Variants in THSD4 observed in about 807,000 individuals in gnomAD.
The protein encoded by THSD4 is thrombospondin type 1 domain containing 4, also known as thrombospondin type-1 domain-containing protein 4.
Under a neutral mutation model 119.0 loss-of-function variants are expected in THSD4, and 69 were observed. The observed-to-expected ratio is 0.58, with a 90% confidence interval of 0.48 to 0.71. THSD4 has a LOEUF of 0.71. Among genes scored for constraint, THSD4 ranks in the 30% least tolerant of loss-of-function variants. The pLI is 0.00. For synonymous variants in THSD4, 524 were observed against 540.4 expected (o/e 0.97, Z 0.42); for missense variants, 1,393 against 1,391.1 (o/e 1.00, Z -0.02).
chr15:71,620,504 C>G (rs1339249435), intron 7 of THSD4, among the ~76,000 whole-genome samples: 1 of 152,034 alleles, frequency 6.6e-6, no homozygotes, highest in African/African-American at 2.4e-5. Flanking sequence ...ACTCAGGAGA[C>G]TGAGACAGGA....
chr15:71,559,989 G>A (rs1404057447), intron 7 of THSD4, among the ~76,000 whole-genome samples: 1 of 152,080 alleles, frequency 6.6e-6, no homozygotes, highest in Non-Finnish European at 1.5e-5. Context: ...GCTACAATGA[G>A]TATCTTTTTT....
chr15:71,265,181 C>T (rs1218945417), intron 6 of THSD4, among the ~76,000 whole-genome samples: 2 of 151,948 alleles, frequency 1.3e-5, no homozygotes, highest in Non-Finnish European at 2.9e-5. Flanking sequence ...CAAGTAGAAA[C>T]GGCTCCGGTC....
chr15:71,295,668 C>G (rs2044852605), intron 6 of THSD4, among the ~76,000 whole-genome samples: 1 of 151,236 alleles, frequency 6.6e-6, no homozygotes, highest in Non-Finnish European at 1.5e-5. Flanking sequence ...TCAGAATCAC[C>G]TGGGGACATT....
chr15:71,426,061 C>A (rs77709839), intron 7 of THSD4, among the ~76,000 whole-genome samples: 155 of 152,236 alleles, frequency 1.0e-3, no homozygotes, highest in African/African-American at 2.9e-3. Flanking sequence ...GGAAAGAAGC[C>A]GCCTTCTGGC....
At chr15:71,205,088 G>A (rs2043832712) in intron 3 of THSD4, among the ~76,000 whole-genome samples, 1 of 152,132 alleles carries the variant, frequency 6.6e-6, no homozygotes, top group African/African-American at 2.4e-5. Flanking sequence ...ATATTCCTGG[G>A]CCTTTCCCCA....
intron 3 of THSD4, among the ~76,000 whole-genome samples, chr15:71,205,655 T>C (rs539876326): frequency 9.8e-5 from 15 of 152,350 alleles, no homozygotes; most frequent in African/African-American, 3.6e-4. Context: ...GAATGTATTG[T>C]GCTCCCGTCT....
chr15:71,219,088 A>G (rs189892527), intron 4 of THSD4, among the ~76,000 whole-genome samples: 9 of 152,274 alleles, frequency 5.9e-5, no homozygotes, highest in Non-Finnish European at 1.3e-4. Context: ...ATGTAATAAC[A>G]CACGTAAAAT....
upstream of THSD4, chr15:71,111,747 A>G (rs2040306853): frequency 1.9e-6 from 1 of 522,948 alleles, no homozygotes; most frequent in Admixed American, 3.6e-5. Context: ...AATGCTAGCA[A>G]CGTAGGGAAT....
intron 10 of THSD4, chr15:71,732,182 T>G (rs1441113393): frequency 6.6e-6 from 1 of 152,264 alleles, no homozygotes; most frequent in Admixed American, 6.5e-5. Context: ...ATTTTTGCTA[T>G]GTAAGGTAGC....
At chr15:71,183,809 G>A (rs2043564688) in intron 3 of THSD4, 1 of 151,700 alleles carries the variant, frequency 6.6e-6, no homozygotes, top group South Asian at 2.1e-4. Context: ...TATTTCTTGT[G>A]GGATTGTCCT....
intron 7 of THSD4, among the ~76,000 whole-genome samples, chr15:71,437,725 A>T (rs2047032614): frequency 6.6e-6 from 1 of 152,188 alleles, no homozygotes. Flanking sequence ...TGTTGGATAA[A>T]TTCTTAAAAG....
At chr15:71,765,441 T>C (rs905968037) in intron 16 of THSD4, among the ~76,000 whole-genome samples, 1 of 152,176 alleles carries the variant, frequency 6.6e-6, no homozygotes. Flanking sequence ...TCAGTGTGCA[T>C]AGGAATCATC....
intron 7 of THSD4, among the ~76,000 whole-genome samples, chr15:71,467,879 TG>T (rs1282355922): frequency 6.6e-6 from 1 of 151,840 alleles, no homozygotes; most frequent in Non-Finnish European, 1.5e-5. Context: ...GACGGAGTTT[TG>T]CTCTTGTCGC....
chr15:71,342,420 CAGG>C (rs1022351228), intron 6 of THSD4: 1 of 153,354 alleles, frequency 6.5e-6, no homozygotes, highest in Non-Finnish European at 1.4e-5. Flanking sequence ...AGCCTGAAAA[CAGG>C]AGAGAAGAAA....
chr15:71,256,654 T>C lies in THSD4; in HGVS notation c.954T>C (p.Cys318=), dbSNP rs767243997. 5 of 1,613,978 alleles carry C rather than the reference T, an allele frequency of 3.1e-6. No individual in the cohort carries two copies. Among genetic ancestry groups the C allele is most frequent in the Admixed American group, 1.7e-5 (1 of 60,002 alleles). Residue 318 remains cysteine (C), a synonymous_variant, in exon 6 of 18, where the codon TGT becomes TGC. Coordinates refer to ENST00000261862, the MANE Select transcript of THSD4 (RefSeq NM_024817.3). ...ESSRSIREVQ[C]ASYNNKPFMG... ...GTAGAAGTATCCGGGAGGTACAGTGTGCATCCTACAACAACAAGCCATTCA... is the reference window on the plus strand; with the variant it reads ...GTAGAAGTATCCGGGAGGTACAGTGCGCATCCTACAACAACAAGCCATTCA...
chr15:71,220,692 C>T (rs1380833661), intron 4 of THSD4, among the ~76,000 whole-genome samples: 2 of 152,098 alleles, frequency 1.3e-5, no homozygotes. Context: ...GAGAGAGTAC[C>T]AGTTAGAACT....
At chr15:71,698,693 C>T (rs1160943422) in intron 8 of THSD4, among the ~76,000 whole-genome samples, 2 of 143,634 alleles carry the variant, frequency 1.4e-5, no homozygotes, top group Non-Finnish European at 3.0e-5. Flanking sequence ...GTTCTTCATC[C>T]ATTCGTCTAT....
At chr15:71,437,195 G>A (rs566413824) in intron 7 of THSD4, among the ~76,000 whole-genome samples, 1 of 152,160 alleles carries the variant, frequency 6.6e-6, no homozygotes, top group Non-Finnish European at 1.5e-5. Flanking sequence ...TAAGCAATCA[G>A]ATCTCACATG....
intron 8 of THSD4, among the ~76,000 whole-genome samples, chr15:71,728,236 C>G (rs1187617146): frequency 6.6e-6 from 1 of 152,174 alleles, no homozygotes; most frequent in Non-Finnish European, 1.5e-5. Flanking sequence ...CCCTTCCCCC[C>G]TTTTTTCTCT....
Sources: allele counts gnomAD v4.1 joint callset (sites outside exome capture counted in the v4.1 genomes callset), GRCh38; gene constraint gnomAD v4.1.1; transcripts MANE v1.5; gene names NCBI Gene and HGNC (gene_info 2026-07-23, HGNC 2026-07-21).